Variants in AATK observed in about 807,000 individuals in gnomAD.
AATK encodes serine/threonine-protein kinase LMTK1.
Under a neutral mutation model 114.3 loss-of-function variants are expected in AATK, and 91 were observed. That is an observed-to-expected ratio of 0.80 (90% CI 0.67 to 0.95). The LOEUF is 0.95. Ranked by LOEUF, AATK falls within the 40% of genes least tolerant of loss-of-function variation. The pLI, the probability that AATK is intolerant of heterozygous loss-of-function variation, is 0.00. For missense variants in AATK, 2,176 were observed against 1,965.2 expected, an observed-to-expected ratio of 1.11 and a Z score of -2.03; for synonymous variants, 1,075 against 916.5, an observed-to-expected ratio of 1.17 and a Z score of -3.12.
chr17:81,121,927 C>T lies in AATK; in HGVS notation c.2009G>A (p.Arg670Gln). The T allele has an allele frequency of 1.9e-6, 3 of 1,600,512 alleles. No homozygotes were observed. The highest frequency in any genetic ancestry group is 2.5e-6 in the Non-Finnish European group (3 of 1,178,336). ...GEDELEEVGARRAAQRGHWRS... is the reference protein window; with the variant it reads ...GEDELEEVGAQRAAQRGHWRS... ...CCAGTGCCCGCGCTGGGCGGCCCTCCGCGCTCCCACCTCCTCTAGCTCATC... is the reference window on the plus strand; with the variant it reads ...CCAGTGCCCGCGCTGGGCGGCCCTCTGCGCTCCCACCTCCTCTAGCTCATC... Residue 670 changes from arginine to glutamine, a missense_variant, in exon 11 of 14, where the codon CGG becomes CAG. Around this residue, in one of 4 missense-constraint regions of AATK, gnomAD observed 1,701 missense variants for 1,394.7 expected, o/e 1.22. Coordinates refer to ENST00000326724, the MANE Select transcript of AATK (RefSeq NM_001080395.3).
In AATK at chr17:81,122,533, A is replaced by G; in HGVS notation, c.1403T>C (p.Val468Ala). 1 of 1,480,324 alleles carries G rather than the reference A, an allele frequency of 6.8e-7. No homozygotes were observed. The highest frequency in any genetic ancestry group is 9.0e-7 in the Non-Finnish European group (1 of 1,111,504). 91.7% of individuals were successfully genotyped at this position (1,480,324 alleles called of 1,614,324 possible). Residue 468 changes from valine to alanine, a missense_variant, in exon 11 of 14, where the codon GTG becomes GCG. Around this residue, in one of 4 missense-constraint regions of AATK, gnomAD observed 1,701 missense variants for 1,394.7 expected, o/e 1.22. Coordinates refer to ENST00000326724, the MANE Select transcript of AATK (RefSeq NM_001080395.3). ...FHADGDDVLT[V>A]TETSRGLNFE... Reference sequence around the variant, plus strand: ...ATTGAGGCCTCGGCTGGTCTCGGTCACCGTCAGCACGTCGTCGCCGTCCGC... The same window carrying G: ...ATTGAGGCCTCGGCTGGTCTCGGTCGCCGTCAGCACGTCGTCGCCGTCCGC...
chr17:81,128,576 C>T (rs1017037882), intron 3 of AATK, 27 bp from the exon 4 acceptor site: 3 of 1,548,230 alleles, frequency 1.9e-6, no homozygotes, highest in Non-Finnish European at 2.6e-6. Context: ...GGTTCAGGGA[C>T]CCAGTGTGGC....
rs772471226 is a variant in AATK, at chr17:81,119,923, C to T, written c.3883+13G>A. 7.7e-6 allele frequency: 11 copies of T among 1,427,304 alleles called. No homozygotes were observed. The highest frequency in any genetic ancestry group is 1.0e-5 in the Non-Finnish European group (11 of 1,093,070). 88.4% of individuals were successfully genotyped at this position (1,427,304 alleles called of 1,614,324 possible). On this transcript the variant is annotated intron_variant, in intron 12 of 13. Coordinates refer to ENST00000326724, the MANE Select transcript of AATK (RefSeq NM_001080395.3). Reference sequence around the variant, plus strand: ...TCCCGTGACGTCACGGGCCCAGCCCCGCCCCTGCTCACCCTCTTCCGCTGT... The same window carrying T: ...TCCCGTGACGTCACGGGCCCAGCCCTGCCCCTGCTCACCCTCTTCCGCTGT...
At chr17:81,162,436 G>A (rs987512487) in intron 1 of AATK, among the ~76,000 whole-genome samples, 36 of 152,268 alleles carry the variant, frequency 2.4e-4, no homozygotes, top group African/African-American at 8.4e-4. Flanking sequence ...GACTGAAGCA[G>A]CAGCTGCCTT....
intron 1 of AATK, among the ~76,000 whole-genome samples, chr17:81,157,576 C>CCCAGCCCAGG (rs918079628): frequency 6.6e-6 from 1 of 152,170 alleles, no homozygotes; most frequent in Non-Finnish European, 1.5e-5. Flanking sequence ...AACATGGGTG[C>CCCAGCCCAGG]CCAGCCCAGG....
chr17:81,120,473 C>T lies in AATK; in HGVS notation c.3463G>A (p.Glu1155Lys), dbSNP rs775858843. 6.5e-7 allele frequency: 1 copy of T among 1,531,086 alleles called. No individual in the cohort carries two copies. The allele number at this position is 1,531,086 out of a possible 1,614,324, so 94.8% of individuals were successfully genotyped here. A position where few individuals can be genotyped will look rare whatever the true frequency, so the allele number is the denominator to read the frequency against. ...LALPGLPAALEGRPEEEEEDS... is the reference protein window; with the variant it reads ...LALPGLPAALKGRPEEEEEDS... The stretch of plus-strand genomic sequence containing the variant: ...TCCTCCTCCTCCTCCGGCCGGCCCT[C>T]CAAGGCCGCAGGGAGGCCGGGCAGA... The change falls in exon 11 of 14, where the codon GAG (glutamate) becomes AAG (lysine). Residue 1155 changes from glutamate (E) to lysine (K), a missense_variant. This residue lies in a region of AATK where 1,701 missense variants were observed against 1,394.7 expected (regional missense o/e 1.22). Coordinates refer to ENST00000326724, the MANE Select transcript of AATK (RefSeq NM_001080395.3).
rs200432643 is a variant in AATK at position 81,118,454 on chromosome 17, G to T, written c.4085-12C>A. 6.2e-7 allele frequency: 1 copy of T among 1,605,032 alleles called. No individual in the cohort carries two copies. On this transcript the variant is annotated splice_polypyrimidine_tract_variant and intron_variant, in intron 13 of 13. Transcript: ENST00000326724. ...ACCAGCTTCAGGTCCTGGCAAGCAG[G>T]ACAACAAAGTGAACACAGGGTTCTG... is the stretch of plus-strand genomic sequence containing the variant.
At position 81,134,411 on chromosome 17, in the gene AATK, A is replaced by G. The variant is rs367712061; in HGVS notation, c.146T>C (p.Met49Thr). 6 of 1,613,166 alleles carry G rather than the reference A, an allele frequency of 3.7e-6. No homozygotes were observed. In the African/African-American group the frequency reaches 8.0e-5, roughly 22 times the overall value. ...FSGLFAVIVL[M>T]LACLCCKKGG... ...CTTCTTACAGCACAGGCAGGCCAGC[A>G]TGAGGACGATGACGGCGAAGAGCCC... The change falls in exon 2 of 14, where the codon ATG becomes ACG. Residue 49 changes from methionine to threonine, a missense_variant. Met to Thr is a moderately conservative substitution (Grantham distance 81, BLOSUM62 -1). Transcript: ENST00000326724.
rs1421309510 is a variant in AATK, at chr17:81,121,786, G to A, written c.2150C>T (p.Ala717Val). The A allele has an allele frequency of 1.2e-5, 18 of 1,557,472 alleles. No homozygotes were observed. The highest frequency in any genetic ancestry group is 1.5e-5 in the Non-Finnish European group (17 of 1,155,348). Residue 717 changes from alanine to valine, a missense_variant, in exon 11 of 14, where the codon GCC (alanine) becomes GTC (valine). Ala to Val is a moderately conservative substitution (Grantham distance 64, BLOSUM62 0). Coordinates refer to ENST00000326724, the MANE Select transcript of AATK (RefSeq NM_001080395.3). Reference sequence around the variant, plus strand: ...TCCAGGGTACCCCGGCTCGGGGGAGGCCCGTGGGGTCTGCTTTGGACTGGG... The same window carrying A: ...TCCAGGGTACCCCGGCTCGGGGGAGACCCGTGGGGTCTGCTTTGGACTGGG... ...GCPSPKQTPR[A>V]SPEPGYPGEP... is the part of the protein sequence containing the mutation.
chr17:81,150,365 AT>A (rs2061279178), intron 1 of AATK, among the ~76,000 whole-genome samples: 1 of 81,930 alleles, frequency 1.2e-5, no homozygotes, highest in Non-Finnish European at 2.5e-5. Context: ...CTCCCCCCCA[AT>A]CCTAGGACTC....
chr17:81,138,642 T>C (rs558583181), intron 1 of AATK, among the ~76,000 whole-genome samples: 3 of 90,352 alleles, frequency 3.3e-5, no homozygotes, highest in Non-Finnish European at 4.8e-5. Context: ...TATCCACACA[T>C]CCACACATAC....
At chr17:81,163,655 G>C (rs935423590) in intron 1 of AATK, among the ~76,000 whole-genome samples, 3 of 152,234 alleles carry the variant, frequency 2.0e-5, no homozygotes, top group African/African-American at 7.2e-5. Context: ...CTCCTGGGCC[G>C]GGTGCCCCCT....
At chr17:81,136,872 T>C (rs973305288) in intron 1 of AATK, among the ~76,000 whole-genome samples, 2 of 152,142 alleles carry the variant, frequency 1.3e-5, no homozygotes, top group African/African-American at 4.8e-5. Flanking sequence ...CTGGAGCCCC[T>C]ACCAGTGCCC....
chr17:81,120,653 G>T lies in AATK; in HGVS notation c.3283C>A (p.Pro1095Thr). Residue 1095 changes from proline to threonine, a missense_variant, in exon 11 of 14, where the codon CCC becomes ACC. Pro to Thr is a conservative substitution (Grantham distance 38). Around this residue, in one of 4 missense-constraint regions of AATK, gnomAD observed 1,701 missense variants for 1,394.7 expected, o/e 1.22. Coordinates refer to ENST00000326724, the MANE Select transcript of AATK (RefSeq NM_001080395.3). ...GPAKVRPGPS[P>T]SCSQFFLLTP... is the part of the protein sequence containing the mutation. ...AGCAGGAAAAACTGGGAGCAGCTGG[G>T]GCTGGGCCCAGGCCGCACCTTGGCT... 1 of 1,527,816 alleles carries T rather than the reference G, an allele frequency of 6.5e-7. No individual in the cohort carries two copies. The highest frequency in any genetic ancestry group is 8.8e-7 in the Non-Finnish European group (1 of 1,142,056). 94.6% of individuals were successfully genotyped at this position (1,527,816 alleles called of 1,614,324 possible).
In AATK at chr17:81,118,379, G is replaced by A. The variant is rs1466507899; in HGVS notation, c.*23C>T. 1.3e-6 allele frequency: 2 copies of A among 1,599,692 alleles called. No individual in the cohort carries two copies. The highest frequency in any genetic ancestry group is 1.3e-5 in the African/African-American group (1 of 74,596). ...CAGGGGCTCCGGTGACGCCAGCCTT[G>A]AGGGGCAGGAGCTGCCCAGGTCTCA... On this transcript the variant is annotated 3_prime_UTR_variant, in exon 14 of 14. Transcript: ENST00000326724.
intron 1 of AATK, among the ~76,000 whole-genome samples, chr17:81,138,580 AC>A (rs2061066022): frequency 1.4e-5 from 2 of 147,614 alleles, no homozygotes; most frequent in South Asian, 2.2e-4. Context: ...ACACGCACAT[AC>A]CCACACACGT....
At chr17:81,143,725 T>C (rs1417915130) in intron 1 of AATK, among the ~76,000 whole-genome samples, 1 of 152,068 alleles carries the variant, frequency 6.6e-6, no homozygotes, top group African/African-American at 2.4e-5. Context: ...CCACGGTGGG[T>C]GGCCATGGGG....
chr17:81,118,217 C>A lies in AATK; in HGVS notation c.*185G>T. ...ATTCTGCCTCTGGGGCGGAGCATGG[C>A]CGATCTACCATCCAGGGCCTCTCAT... On this transcript the variant is annotated 3_prime_UTR_variant, in exon 14 of 14. Coordinates refer to ENST00000326724, the MANE Select transcript of AATK (RefSeq NM_001080395.3). 1.6e-6 allele frequency: 1 copy of A among 614,868 alleles called. No homozygotes were observed. 38.1% of individuals were successfully genotyped at this position (614,868 alleles called of 1,614,324 possible).
At position 81,121,808 on chromosome 17, in the gene AATK, T is replaced by C; in HGVS notation, c.2128A>G (p.Ser710Gly). ...GAGGCCCGTGGGGTCTGCTTTGGAC[T>C]GGGGCAGCCCTCAGCGTGGCCGCCC... ...SAGGHAEGCPSPKQTPRASPE... is the reference protein window; with the variant it reads ...SAGGHAEGCPGPKQTPRASPE... Residue 710 changes from serine (S) to glycine (G), a missense_variant, in exon 11 of 14, where the codon AGT (serine) becomes GGT (glycine). Physicochemically the swap from Ser to Gly is moderately conservative, Grantham distance 56 (BLOSUM62 0). Around this residue, in one of 4 missense-constraint regions of AATK, gnomAD observed 1,701 missense variants for 1,394.7 expected, o/e 1.22. Transcript: ENST00000326724. The C allele has an allele frequency of 2.5e-6, 4 of 1,583,396 alleles. No homozygotes were observed. The highest frequency in any genetic ancestry group is 3.4e-6 in the Non-Finnish European group (4 of 1,171,024).
Sources: allele counts gnomAD v4.1 joint callset (sites outside exome capture counted in the v4.1 genomes callset), GRCh38; gene constraint gnomAD v4.1.1; regional missense constraint gnomAD v4.1.1; transcripts MANE v1.5; gene names NCBI Gene and HGNC (gene_info 2026-07-23, HGNC 2026-07-21).